The following MAPKAP1 variants were observed in gnomAD, a reference collection of about 807,000 sequenced individuals.
MAPKAP1 encodes the protein MAPK associated protein 1.
MAPKAP1 carries 20 observed loss-of-function variants against 65.7 expected under a neutral mutation model. The observed-to-expected ratio is 0.30, with a 90% CI of 0.21 to 0.44. The LOEUF (loss-of-function observed/expected upper bound fraction) is 0.44, where lower values mean the gene tolerates loss of function less well. Among genes scored for constraint, MAPKAP1 ranks in the 20% least tolerant of loss-of-function variants. The pLI, the probability that MAPKAP1 is intolerant of heterozygous loss-of-function variation, is 1.00. For synonymous variants in MAPKAP1, 222 were observed against 244.3 expected (o/e 0.91, Z 0.85); for missense variants, 423 against 648.0 (o/e 0.65, Z 3.77).
intron 7 of MAPKAP1, among the ~76,000 whole-genome samples, chr9:125,515,840 C>G (rs1345475945): frequency 6.6e-6 from 1 of 152,144 alleles, no homozygotes; most frequent in East Asian, 1.9e-4. Context: ...AGTGTTTAAA[C>G]AACAACAGTG....
chr9:125,555,333 T>C (rs1213710833), intron 6 of MAPKAP1, among the ~76,000 whole-genome samples: 1 of 152,212 alleles, frequency 6.6e-6, no homozygotes, highest in African/African-American at 2.4e-5. Flanking sequence ...ATTTTAAAGA[T>C]GAAGAAACTG....
At chr9:125,461,199 G>A (rs1043983992) in intron 10 of MAPKAP1, among the ~76,000 whole-genome samples, 7 of 152,266 alleles carry the variant, frequency 4.6e-5, no homozygotes, top group East Asian at 3.9e-4. Flanking sequence ...CAAGCTGGCC[G>A]TCTGCTTACG....
At chr9:125,470,639 C>T (rs1326880393) in intron 9 of MAPKAP1, among the ~76,000 whole-genome samples, 2 of 152,200 alleles carry the variant, frequency 1.3e-5, no homozygotes, top group Non-Finnish European at 1.5e-5. Context: ...CTCTGCACAG[C>T]CACAGAACAC....
At chr9:125,519,388 C>T (rs1829554408) in intron 7 of MAPKAP1, among the ~76,000 whole-genome samples, 1 of 152,092 alleles carries the variant, frequency 6.6e-6, no homozygotes, top group Non-Finnish European at 1.5e-5. Flanking sequence ...GTAATCCCAG[C>T]ACTTTGGGAG....
In MAPKAP1 at chr9:125,477,313, C is replaced by T. The variant is rs117797214; in HGVS notation, c.1207+7130G>A. The stretch of plus-strand genomic sequence containing the variant: ...ATGAGGCAAACAAACCAAGTGAGTA[C>T]AAGTGGTGCAAATATCAAACCACTT... On this transcript the variant is annotated intron_variant, in intron 9 of 11. Transcript: ENST00000265960. Among the ~76,000 whole-genome samples the T allele has an allele frequency of 2.6e-5, 4 of 152,266 alleles. No individual in the cohort carries two copies. In the East Asian group the frequency reaches 7.7e-4, roughly 29 times the overall value.
chr9:125,450,689 C>T (rs1404527164), intron 10 of MAPKAP1, among the ~76,000 whole-genome samples: 1 of 152,180 alleles, frequency 6.6e-6, no homozygotes, highest in Non-Finnish European at 1.5e-5. Flanking sequence ...TTTTTGAAAA[C>T]TCAGTTTCCA....
intron 9 of MAPKAP1, among the ~76,000 whole-genome samples, chr9:125,469,603 C>G (rs1853821570): frequency 6.6e-6 from 1 of 152,206 alleles, no homozygotes; most frequent in Non-Finnish European, 1.5e-5. Flanking sequence ...CTGCTGTACC[C>G]TGGTCAGTAC....
At chr9:125,615,912 T>A (rs1253695856) in intron 4 of MAPKAP1, among the ~76,000 whole-genome samples, 1 of 144,178 alleles carries the variant, frequency 6.9e-6, no homozygotes, top group African/African-American at 2.6e-5. Flanking sequence ...GGACTCCGTC[T>A]CAGAAAAAAA....
chr9:125,544,494 G>A (rs1830364530), intron 6 of MAPKAP1, among the ~76,000 whole-genome samples: 1 of 152,190 alleles, frequency 6.6e-6, no homozygotes, highest in South Asian at 2.1e-4. Context: ...AAACCGCTAA[G>A]GAACAAGTAC....
In MAPKAP1 at chr9:125,595,465, T is replaced by A. The variant is rs151065702; in HGVS notation, c.499-9738A>T. The stretch of plus-strand genomic sequence containing the variant: ...CAGCTGATCCTATTAATTAAAATAA[T>A]ATACATTAGCTGCTTATCATAAAAT... On this transcript the variant is annotated intron_variant, in intron 4 of 11. Coordinates refer to ENST00000265960, the MANE Select transcript of MAPKAP1 (RefSeq NM_001006617.3). The surrounding 1 kb of genome is among the most constrained non-coding windows in gnomAD (Gnocchi z 4.0). 4.2e-6 allele frequency: 4 copies of A among 949,614 alleles called. No individual in the cohort carries two copies. Among genetic ancestry groups the A allele is most frequent in the Non-Finnish European group, 5.2e-6 (4 of 776,502 alleles). The allele number at this position is 949,614 out of a possible 1,614,324, so 58.8% of individuals were successfully genotyped here. A position where few individuals can be genotyped will look rare whatever the true frequency, so the allele number is the denominator to read the frequency against.
At chr9:125,521,739 G>C (rs1829623775) in intron 7 of MAPKAP1, 4 of 1,612,782 alleles carry the variant, frequency 2.5e-6, no homozygotes, top group Non-Finnish European at 3.4e-6. Context: ...GACAGCCAGT[G>C]AAATTAGTGA....
chr9:125,588,360 T>C (rs531165783), intron 4 of MAPKAP1, among the ~76,000 whole-genome samples: 3 of 152,096 alleles, frequency 2.0e-5, no homozygotes, highest in East Asian at 3.8e-4. Flanking sequence ...GGCAAATCCA[T>C]AGAGACAGAA....
At chr9:125,609,984 G>C (rs1455729848) in intron 4 of MAPKAP1, among the ~76,000 whole-genome samples, 2 of 152,160 alleles carry the variant, frequency 1.3e-5, no homozygotes. Context: ...AGGTCACACA[G>C]CCAGTAAGAT....
chr9:125,546,870 T>G (rs1830440807), intron 6 of MAPKAP1, among the ~76,000 whole-genome samples: 1 of 151,942 alleles, frequency 6.6e-6, no homozygotes, highest in South Asian at 2.1e-4. Context: ...CAGAAACCGC[T>G]CCTCCTCCTG....
intron 1 of MAPKAP1, among the ~76,000 whole-genome samples, chr9:125,693,520 TATATACACATATACACACAC>T (rs1564619846): frequency 4.2e-5 from 5 of 118,634 alleles, no homozygotes; most frequent in East Asian, 2.6e-4. Context: ...TACACACACA[TATATACACATATACACACAC>T]ATATATACAT....
intron 4 of MAPKAP1, among the ~76,000 whole-genome samples, chr9:125,602,859 A>T (rs1427271910): frequency 6.6e-6 from 1 of 152,114 alleles, no homozygotes; most frequent in East Asian, 1.9e-4. Context: ...CCCTGTCTCA[A>T]ACAAAACCAA....
chr9:125,596,572 G>T, intron 4 of MAPKAP1: 1 of 687,900 alleles, frequency 1.5e-6, no homozygotes, highest in Non-Finnish European at 2.7e-6. Flanking sequence ...ACAAAACCGA[G>T]GTGGCTATGG....
chr9:125,529,316 C>CT (rs1335335472), intron 7 of MAPKAP1, among the ~76,000 whole-genome samples: 1 of 151,972 alleles, frequency 6.6e-6, no homozygotes, highest in African/African-American at 2.4e-5. Context: ...TGTTAGCTCT[C>CT]TGAGTTCACC....
chr9:125,660,296 G>C (rs671078), intron 3 of MAPKAP1, among the ~76,000 whole-genome samples: 136,521 of 152,190 alleles, frequency 0.9, 62,029 homozygotes, highest in East Asian at 1. Flanking sequence ...AAAGGGGCAC[G>C]AGGGAACTTT....
Sources: gnomAD v4.1 joint callset for allele counts (sites outside exome capture counted in the v4.1 genomes callset) on GRCh38, gnomAD v4.1.1 for gene constraint, Gnocchi (gnomAD v3.1) non-coding constraint, MANE v1.5 for transcripts, NCBI Gene and HGNC (gene_info 2026-07-23, HGNC 2026-07-21) for gene names.